ARHGAP42: variants seen among roughly 807,000 people sequenced by gnomAD.
The protein encoded by ARHGAP42 is rho GTPase-activating protein 42.
ARHGAP42 carries 63 observed loss-of-function variants against 125.0 expected under a neutral mutation model. The observed-to-expected ratio is 0.50, with a 90% CI of 0.41 to 0.62. The LOEUF is 0.62. ARHGAP42 is among the 20% of genes least tolerant of loss of function. ARHGAP42 has a pLI of 0.00. For missense variants in ARHGAP42, 766 were observed against 1,024.2 expected (o/e 0.75, Z 3.44); for synonymous variants, 339 against 351.0 (o/e 0.97, Z 0.38).
In ARHGAP42 at chr11:100,984,483, A is replaced by G. The variant is rs117428552; in HGVS notation, c.2457-3030A>G. Among the ~76,000 whole-genome samples, 1,115 of 151,926 alleles carry G rather than the reference A, an allele frequency of 7.3e-3. 6 individuals carry two copies. The highest frequency in any genetic ancestry group is 0.021 in the Middle Eastern group (6 of 290). ...GAAGTGAAACCGTCAATAGCATACAAAATGTGTGTATTTCTCATTGTTCAA... is the reference window on the plus strand; with the variant it reads ...GAAGTGAAACCGTCAATAGCATACAGAATGTGTGTATTTCTCATTGTTCAA... On this transcript the variant is annotated intron_variant, in intron 22 of 23. Coordinates refer to ENST00000298815, the MANE Select transcript of ARHGAP42 (RefSeq NM_152432.4).
At chr11:100,697,472 G>A (rs552403027) in intron 1 of ARHGAP42, among the ~76,000 whole-genome samples, 1 of 152,122 alleles carries the variant, frequency 6.6e-6, no homozygotes, top group Admixed American at 6.5e-5. Flanking sequence ...GTGAGCCACC[G>A]CGCCCGGCCA....
At chr11:100,903,117 G>GTACACACACA (rs1555021071) in intron 4 of ARHGAP42, among the ~76,000 whole-genome samples, 1 of 131,942 alleles carries the variant, frequency 7.6e-6, no homozygotes, top group Non-Finnish European at 1.6e-5. Flanking sequence ...TCCAAGATGC[G>GTACACACACA]CACACACACA....
intron 1 of ARHGAP42, among the ~76,000 whole-genome samples, chr11:100,714,338 G>A (rs1405684660): frequency 6.6e-6 from 1 of 151,884 alleles, no homozygotes; most frequent in Non-Finnish European, 1.5e-5. Context: ...CATTTCAAAG[G>A]GCTAACAGGG....
At chr11:100,875,348 G>A (rs2135166396) in intron 4 of ARHGAP42, among the ~76,000 whole-genome samples, 1 of 152,202 alleles carries the variant, frequency 6.6e-6, no homozygotes, top group Admixed American at 6.5e-5. Flanking sequence ...ATCAGGTCCT[G>A]TTCCTAGGAG....
chr11:100,943,475 A>C (rs1046054020), intron 9 of ARHGAP42, among the ~76,000 whole-genome samples: 2 of 152,112 alleles, frequency 1.3e-5, no homozygotes, highest in Non-Finnish European at 2.9e-5. Context: ...GGGATTGTAC[A>C]TTATAGTATA....
chr11:100,884,475 AATACTGTAAATCTAGT>A (rs1447332370), intron 4 of ARHGAP42, among the ~76,000 whole-genome samples: 1 of 152,162 alleles, frequency 6.6e-6, no homozygotes, highest in African/African-American at 2.4e-5. Context: ...TTTAATAAAC[AATACTGTAAATCTAGT>A]AAACTCAAAA....
intron 3 of ARHGAP42, among the ~76,000 whole-genome samples, chr11:100,826,578 C>T (rs986587705): frequency 2.5e-4 from 38 of 152,204 alleles, no homozygotes; most frequent in African/African-American, 8.4e-4. Context: ...TTTATCTAGA[C>T]CTTACCAGCT....
chr11:100,913,287 G>T (rs1242359870), intron 4 of ARHGAP42, among the ~76,000 whole-genome samples, 165 bp from the exon 5 acceptor site: 2 of 152,102 alleles, frequency 1.3e-5, no homozygotes, highest in African/African-American at 4.8e-5. Flanking sequence ...GAAATGGCTT[G>T]TTTCACTTAC....
chr11:100,756,777 TA>T (rs1399696503), intron 1 of ARHGAP42, among the ~76,000 whole-genome samples: 4 of 152,218 alleles, frequency 2.6e-5, no homozygotes, highest in Non-Finnish European at 4.4e-5. Flanking sequence ...GGTTGCTAAA[TA>T]AAAATCTTCA....
At chr11:100,779,520 G>A (rs1867063) in intron 2 of ARHGAP42, among the ~76,000 whole-genome samples, 51,957 of 110,054 alleles carry the variant, frequency 0.47, 16,454 homozygotes, top group African/African-American at 0.69. Context: ...ATATATATAC[G>A]TATACATGCG....
intron 3 of ARHGAP42, chr11:100,839,575 A>G (rs754373030): frequency 2.0e-5 from 3 of 152,250 alleles, no homozygotes; most frequent in African/African-American, 7.2e-5. Flanking sequence ...ACTGCAGTAA[A>G]GAGTGACTGA....
chr11:100,793,468 A>C (rs1863623014), intron 2 of ARHGAP42, among the ~76,000 whole-genome samples: 1 of 152,202 alleles, frequency 6.6e-6, no homozygotes, highest in African/African-American at 2.4e-5. Context: ...TAATCCATTG[A>C]TTTCTGTTTT....
intron 12 of ARHGAP42, among the ~76,000 whole-genome samples, chr11:100,952,275 A>G (rs924846218): frequency 2.0e-5 from 3 of 152,148 alleles, no homozygotes; most frequent in African/African-American, 7.2e-5. Context: ...TCCTTAAGAC[A>G]TATCAACTGA....
chr11:100,712,114 C>T (rs1383235853), intron 1 of ARHGAP42, among the ~76,000 whole-genome samples: 1 of 152,140 alleles, frequency 6.6e-6, no homozygotes, highest in African/African-American at 2.4e-5. Flanking sequence ...CCTTTTCTTC[C>T]TTTCTAAAGG....
At chr11:100,869,454 A>G (rs1865649963) in intron 4 of ARHGAP42, among the ~76,000 whole-genome samples, 1 of 151,584 alleles carries the variant, frequency 6.6e-6, no homozygotes, top group Admixed American at 6.6e-5. Context: ...CTATCTTTAC[A>G]ACGTCCTTGT....
chr11:100,799,099 T>C (rs1728323048), intron 3 of ARHGAP42, among the ~76,000 whole-genome samples: 1 of 152,158 alleles, frequency 6.6e-6, no homozygotes. Context: ...CACCTAGAAG[T>C]TTTTGTGTTT....
Position 100,961,750 on chromosome 11 carries a change from G to A in ARHGAP42, c.1367G>A (p.Gly456Glu). The part of the protein sequence containing the change: ...ELWDNKTITS[G>E]LKNYLRCLAE... ...TGGGACAATAAGACGATAACAAGTG[G>A]GCTGAAAAACTACCTCAGGTGAGGA... The change falls in exon 15 of 24, where the codon GGG becomes GAG. Residue 456 changes from glycine (G) to glutamate (E), a missense_variant. Around this residue, in one of 3 missense-constraint regions of ARHGAP42, gnomAD observed 455 missense variants for 636.5 expected, o/e 0.71. Transcript: ENST00000298815. The A allele has an allele frequency of 6.4e-7, 1 of 1,551,530 alleles. No individual in the cohort carries two copies. The highest frequency in any genetic ancestry group is 8.7e-7 in the Non-Finnish European group (1 of 1,146,764).
intron 6 of ARHGAP42, among the ~76,000 whole-genome samples, chr11:100,924,248 T>C (rs668513): frequency 0.74 from 113,001 of 151,900 alleles, 42,513 homozygotes; most frequent in African/African-American, 0.85. Flanking sequence ...CAGGGGATAG[T>C]GATTCATGAA....
intron 4 of ARHGAP42, among the ~76,000 whole-genome samples, chr11:100,876,306 T>C (rs1865823750): frequency 6.6e-6 from 1 of 152,216 alleles, no homozygotes; most frequent in South Asian, 2.1e-4. Flanking sequence ...AATATATACG[T>C]TCTTAGTTTA....
Sources: gnomAD v4.1 joint callset for allele counts (sites outside exome capture counted in the v4.1 genomes callset) on GRCh38, gnomAD v4.1.1 for gene constraint, gnomAD v4.1.1 regional missense constraint, MANE v1.5 for transcripts, NCBI Gene and HGNC (gene_info 2026-07-23, HGNC 2026-07-21) for gene names.